Variants in STAU2 observed in about 807,000 individuals in gnomAD.
STAU2 encodes the protein staufen double-stranded RNA binding protein 2.
Under a neutral mutation model 65.9 loss-of-function variants are expected in STAU2, and 20 were observed. The observed-to-expected ratio is 0.30, with a 90% CI of 0.21 to 0.44. STAU2 has a LOEUF of 0.44. STAU2 is among the 20% of genes least tolerant of loss of function. The pLI, the probability that STAU2 is intolerant of heterozygous loss-of-function variation, is 1.00. For missense variants in STAU2, 558 were observed against 683.9 expected, an observed-to-expected ratio of 0.82 and a Z score of 2.05; for synonymous variants, 232 against 233.9, an observed-to-expected ratio of 0.99 and a Z score of 0.07.
chr8:73,683,649 G>A (rs1021683097), intron 5 of STAU2, among the ~76,000 whole-genome samples: 5 of 152,092 alleles, frequency 3.3e-5, no homozygotes, highest in South Asian at 2.1e-4. Flanking sequence ...CATCCAAATC[G>A]ATAAAGAGGA....
intron 13 of STAU2, among the ~76,000 whole-genome samples, chr8:73,548,250 T>G (rs967731048): frequency 1.3e-5 from 2 of 149,812 alleles, no homozygotes; most frequent in Admixed American, 6.6e-5. Context: ...GAATACCTTA[T>G]TCTAAAAAAA....
chr8:73,712,970 T>A (rs1235520003), intron 3 of STAU2, among the ~76,000 whole-genome samples: 2 of 152,168 alleles, frequency 1.3e-5, no homozygotes, highest in Non-Finnish European at 2.9e-5. Context: ...ATTTCTGTAG[T>A]AGTCTGTGAA....
At chr8:73,552,398 T>G in intron 12 of STAU2, 79 bp from the exon 13 acceptor site, 1 of 1,275,890 alleles carries the variant, frequency 7.8e-7, no homozygotes, top group Non-Finnish European at 1.1e-6. Flanking sequence ...CTCAATGGCT[T>G]TACTTGGTGT....
At chr8:73,572,782 G>A (rs1183954988) in intron 12 of STAU2, among the ~76,000 whole-genome samples, 13 of 152,130 alleles carry the variant, frequency 8.5e-5, no homozygotes, top group South Asian at 2.1e-4. Context: ...CAAACCCACA[G>A]CCAATATCAT....
At chr8:73,645,046 A>C (rs865785429) in intron 6 of STAU2, among the ~76,000 whole-genome samples, 12 of 152,210 alleles carry the variant, frequency 7.9e-5, no homozygotes, top group Admixed American at 3.9e-4. Context: ...CTCTTCCAGA[A>C]AACAGAAGAG....
In STAU2 at chr8:73,613,784, G is replaced by C; in HGVS notation, c.851C>G (p.Pro284Arg). ...AGGGCGTTTTTTAAAAAATAGTTTTGGCTTTTCCACCACAGGAAGAGGTGG... is the reference window on the plus strand; with the variant it reads ...AGGGCGTTTTTTAAAAAATAGTTTTCGCTTTTCCACCACAGGAAGAGGTGG... The part of the protein sequence containing the change: ...KLPPLPVVEK[P>R]KLFFKKRPKT... The change falls in exon 9 of 15, where the codon CCA becomes CGA. Residue 284 changes from proline (P) to arginine (R), a missense_variant. Physicochemically the swap from Pro to Arg is moderately radical, Grantham distance 103 (BLOSUM62 -2). Around this residue, in one of 3 missense-constraint regions of STAU2, gnomAD observed 199 missense variants for 299.5 expected, o/e 0.66. Coordinates refer to ENST00000524300, the MANE Select transcript of STAU2 (RefSeq NM_001164380.2). The C allele has an allele frequency of 6.2e-7, 1 of 1,612,686 alleles. No individual in the cohort carries two copies. Among genetic ancestry groups the C allele is most frequent in the Non-Finnish European group, 8.5e-7 (1 of 1,179,568 alleles).
intron 13 of STAU2, among the ~76,000 whole-genome samples, chr8:73,443,897 T>C (rs1179504003): frequency 6.6e-6 from 1 of 150,394 alleles, no homozygotes; most frequent in African/African-American, 2.4e-5. Flanking sequence ...TGGATACCAG[T>C]TAAAGTTAGC....
intron 13 of STAU2, among the ~76,000 whole-genome samples, chr8:73,444,310 G>A (rs1818348005): frequency 6.6e-6 from 1 of 151,886 alleles, no homozygotes; most frequent in South Asian, 2.1e-4. Flanking sequence ...GGAGGTGGAG[G>A]CAGGAGAATC....
chr8:73,655,524 T>C (rs912581918), intron 6 of STAU2, among the ~76,000 whole-genome samples: 1 of 152,152 alleles, frequency 6.6e-6, no homozygotes, highest in Non-Finnish European at 1.5e-5. Context: ...AATAGATATA[T>C]TAATTAAAAT....
At chr8:73,651,272 C>A in intron 6 of STAU2, 1 of 663,794 alleles carries the variant, frequency 1.5e-6, no homozygotes. Flanking sequence ...GGGCCAAACG[C>A]CTGGCGGGCC....
intron 5 of STAU2, among the ~76,000 whole-genome samples, chr8:73,678,989 A>C (rs1818205412): frequency 6.6e-6 from 1 of 152,200 alleles, no homozygotes; most frequent in African/African-American, 2.4e-5. Context: ...GTAGAGAATG[A>C]TTAAATACAT....
chr8:73,544,541 G>T (rs1272492141), intron 13 of STAU2, among the ~76,000 whole-genome samples: 1 of 152,058 alleles, frequency 6.6e-6, no homozygotes, highest in Admixed American at 6.5e-5. Flanking sequence ...GCCCTTTTAT[G>T]TCTTCAGTGC....
chr8:73,701,731 T>C (rs1389969687), intron 4 of STAU2, among the ~76,000 whole-genome samples: 1 of 152,172 alleles, frequency 6.6e-6, no homozygotes, highest in Non-Finnish European at 1.5e-5. Context: ...CGCTGCTGGG[T>C]ATATTCCCAA....
At chr8:73,651,545 G>A in intron 6 of STAU2, 1 of 849,372 alleles carries the variant, frequency 1.2e-6, no homozygotes, top group Non-Finnish European at 1.9e-6. Flanking sequence ...CCTTGCCAAT[G>A]GCCTGCACCT....
chr8:73,669,819 T>G lies in STAU2; in HGVS notation c.410+3288A>C, dbSNP rs760536497. Among the ~76,000 whole-genome samples, 64 of 152,202 alleles carry G rather than the reference T, an allele frequency of 4.2e-4. 1 individual carries two copies. Among genetic ancestry groups the G allele is most frequent in the Non-Finnish European group, 1.5e-4 (10 of 68,040 alleles). Reference sequence around the variant, plus strand: ...CAGGGATTAGTGTCTGACTTTTCATTGCTTTAGCACCAGACTTTTTAAAAG... The same window carrying G: ...CAGGGATTAGTGTCTGACTTTTCATGGCTTTAGCACCAGACTTTTTAAAAG... On this transcript the variant is annotated intron_variant, in intron 6 of 14. Transcript: ENST00000524300.
chr8:73,655,144 A>T (rs1441516416), intron 6 of STAU2, among the ~76,000 whole-genome samples: 1 of 152,258 alleles, frequency 6.6e-6, no homozygotes, highest in Non-Finnish European at 1.5e-5. Context: ...TACCCTACAA[A>T]AACATTTTAG....
intron 6 of STAU2, among the ~76,000 whole-genome samples, chr8:73,629,011 T>A (rs1237532105): frequency 6.6e-6 from 1 of 152,230 alleles, no homozygotes; most frequent in Non-Finnish European, 1.5e-5. Context: ...ATGTGCTTTG[T>A]TTGGAGATGC....
chr8:73,741,438 G>A (rs1473212871), intron 1 of STAU2, among the ~76,000 whole-genome samples: 1 of 152,066 alleles, frequency 6.6e-6, no homozygotes, highest in Non-Finnish European at 1.5e-5. Context: ...ATTAGAGGCT[G>A]ATAACACTGG....
chr8:73,741,181 T>C (rs1437552305), intron 1 of STAU2, among the ~76,000 whole-genome samples: 31 of 149,038 alleles, frequency 2.1e-4, no homozygotes, highest in Non-Finnish European at 2.4e-4. Context: ...GGCGGGCGCC[T>C]GTAGTCCCAG....
Sources: allele counts gnomAD v4.1 joint callset (sites outside exome capture counted in the v4.1 genomes callset), GRCh38; gene constraint gnomAD v4.1.1; regional missense constraint gnomAD v4.1.1; transcripts MANE v1.5; gene names NCBI Gene and HGNC (gene_info 2026-07-23, HGNC 2026-07-21).